The following GRID2 variants were observed in gnomAD, a reference collection of about 807,000 sequenced individuals.
The protein encoded by GRID2 is glutamate ionotropic receptor delta type subunit 2, also known as glutamate receptor ionotropic, delta-2.
A neutral mutation model predicts 114.8 loss-of-function variants in GRID2; 33 were observed. That is an observed-to-expected ratio of 0.29 (90% CI 0.22 to 0.38). The LOEUF (loss-of-function observed/expected upper bound fraction) is 0.38, where lower values mean the gene tolerates loss of function less well. Ranked by LOEUF, GRID2 falls within the 10% of genes least tolerant of loss-of-function variation. GRID2 has a pLI of 1.00. For synonymous variants in GRID2, 505 were observed against 449.9 expected, an observed-to-expected ratio of 1.12 and a Z score of -1.55; for missense variants, 1,184 against 1,257.7, an observed-to-expected ratio of 0.94 and a Z score of 0.89.
intron 1 of GRID2, among the ~76,000 whole-genome samples, chr4:92,464,898 G>T (rs1216183119): frequency 6.6e-6 from 1 of 152,086 alleles, no homozygotes; most frequent in East Asian, 1.9e-4. Context: ...ATTGGATCAC[G>T]GGGGCAGATT....
chr4:93,688,623 T>C (rs1191620993), intron 14 of GRID2, among the ~76,000 whole-genome samples: 1 of 152,074 alleles, frequency 6.6e-6, no homozygotes, highest in Non-Finnish European at 1.5e-5. Flanking sequence ...TAGAAAGACA[T>C]TATATTTCTT....
chr4:92,421,753 C>T (rs1731920751), intron 1 of GRID2, among the ~76,000 whole-genome samples: 1 of 152,058 alleles, frequency 6.6e-6, no homozygotes, highest in Non-Finnish European at 1.5e-5. Context: ...TTTCCTATCC[C>T]AAATCTTGCA....
chr4:93,395,423 A>G (rs1765235996), intron 8 of GRID2, among the ~76,000 whole-genome samples, 184 bp from the exon 9 acceptor site: 1 of 152,032 alleles, frequency 6.6e-6, no homozygotes, highest in Non-Finnish European at 1.5e-5. Flanking sequence ...CCATATAATG[A>G]TATTTAAGAG....
chr4:93,420,467 A>G (rs1481459940), intron 9 of GRID2, among the ~76,000 whole-genome samples: 2 of 152,148 alleles, frequency 1.3e-5, no homozygotes, highest in Non-Finnish European at 2.9e-5. Context: ...TTTATTATGT[A>G]CTTTAAATAT....
intron 4 of GRID2, among the ~76,000 whole-genome samples, chr4:93,152,415 CAA>C (rs1407462180): frequency 2.0e-5 from 3 of 151,940 alleles, no homozygotes; most frequent in Non-Finnish European, 2.9e-5. Context: ...AACATGAAGA[CAA>C]AGAGTACATG....
intron 2 of GRID2, among the ~76,000 whole-genome samples, chr4:92,626,265 T>C (rs1730516233): frequency 6.6e-6 from 1 of 151,924 alleles, no homozygotes; most frequent in Admixed American, 6.6e-5. Context: ...TCACACAAAA[T>C]GTAACCTTTA....
intron 2 of GRID2, among the ~76,000 whole-genome samples, chr4:92,918,734 G>C (rs868277227): frequency 2.6e-4 from 39 of 152,140 alleles, no homozygotes; most frequent in African/African-American, 8.0e-4. Flanking sequence ...TTTTTGATGT[G>C]CTGCTGGATT....
chr4:93,377,636 G>T (rs1456824471), intron 8 of GRID2, among the ~76,000 whole-genome samples: 1 of 152,068 alleles, frequency 6.6e-6, no homozygotes, highest in Admixed American at 6.6e-5. Context: ...TTACCCTCTT[G>T]TACCAAATAT....
At chr4:93,155,271 C>T (rs1737073334) in intron 4 of GRID2, among the ~76,000 whole-genome samples, 1 of 152,002 alleles carries the variant, frequency 6.6e-6, no homozygotes, top group Non-Finnish European at 1.5e-5. Flanking sequence ...CCCACTACCA[C>T]ATGAGGATGT....
At chr4:93,320,676 T>C (rs1052341135) in intron 8 of GRID2, among the ~76,000 whole-genome samples, 1 of 151,976 alleles carries the variant, frequency 6.6e-6, no homozygotes, top group Non-Finnish European at 1.5e-5. Context: ...GAGGAAGACA[T>C]GAGTCAACCA....
intron 8 of GRID2, among the ~76,000 whole-genome samples, chr4:93,381,365 A>G (rs1035563935): frequency 6.6e-6 from 1 of 152,230 alleles, no homozygotes; most frequent in African/African-American, 2.4e-5. Flanking sequence ...ACTTAGCATA[A>G]TGTCCTCAAG....
intron 4 of GRID2, among the ~76,000 whole-genome samples, chr4:93,126,752 C>T (rs914880640): frequency 3.3e-5 from 5 of 151,048 alleles, no homozygotes; most frequent in South Asian, 2.1e-4. Context: ...CGCCCGCTAC[C>T]ACGCCCGGCT....
chr4:93,742,388 G>A (rs953406633), intron 14 of GRID2, among the ~76,000 whole-genome samples: 1 of 152,160 alleles, frequency 6.6e-6, no homozygotes, highest in Non-Finnish European at 1.5e-5. Context: ...GAAATTAAAC[G>A]ATGTGTGTAA....
chr4:93,027,409 A>T (rs1723982510), intron 2 of GRID2, among the ~76,000 whole-genome samples: 1 of 152,078 alleles, frequency 6.6e-6, no homozygotes, highest in Non-Finnish European at 1.5e-5. Flanking sequence ...AAAACAAAAG[A>T]TTAAAGCAAG....
At chr4:93,031,857 C>G (rs1724471516) in intron 2 of GRID2, among the ~76,000 whole-genome samples, 1 of 151,838 alleles carries the variant, frequency 6.6e-6, no homozygotes, top group Admixed American at 6.6e-5. Flanking sequence ...ATAGTAGTGA[C>G]CTCTTGTAAC....
chr4:92,403,693 AAAATAAATAAATAAATAAAT>A (rs58063095), intron 1 of GRID2, among the ~76,000 whole-genome samples: 478 of 139,138 alleles, frequency 3.4e-3, no homozygotes, highest in African/African-American at 0.012. Flanking sequence ...CTCCATCTCA[AAAATAAATAAATAAATAAAT>A]AAATAAATAA....
chr4:92,582,804 C>T (rs1048982931), intron 1 of GRID2, among the ~76,000 whole-genome samples: 3 of 151,620 alleles, frequency 2.0e-5, no homozygotes, highest in Non-Finnish European at 2.9e-5. Flanking sequence ...TGGGCAACAA[C>T]GTGAGACCCC....
chr4:93,607,000 C>A (rs550338583), intron 13 of GRID2, among the ~76,000 whole-genome samples: 5 of 152,018 alleles, frequency 3.3e-5, no homozygotes, highest in Non-Finnish European at 7.4e-5. Context: ...TTCAAAAAAT[C>A]TTATTAAAAA....
intron 8 of GRID2, among the ~76,000 whole-genome samples, chr4:93,382,025 T>C (rs997496305): frequency 1.3e-5 from 2 of 152,228 alleles, no homozygotes; most frequent in South Asian, 2.1e-4. Flanking sequence ...AGATATAGGA[T>C]TCTTGCTTGA....
Sources: allele counts gnomAD v4.1 joint callset (sites outside exome capture counted in the v4.1 genomes callset), GRCh38; gene constraint gnomAD v4.1.1; transcripts MANE v1.5; gene names NCBI Gene and HGNC (gene_info 2026-07-23, HGNC 2026-07-21).